MAP3K9: variants seen among roughly 807,000 people sequenced by gnomAD.
The protein encoded by MAP3K9 is mitogen-activated protein kinase kinase kinase 9, also known as mixed lineage kinase 1 (tyr and ser/thr specificity).
Under a neutral mutation model 95.8 loss-of-function variants are expected in MAP3K9, and 46 were observed. That is an observed-to-expected ratio of 0.48 (90% confidence interval 0.38 to 0.61). MAP3K9 has a LOEUF of 0.61. Ranked by LOEUF, MAP3K9 falls within the 20% of genes least tolerant of loss-of-function variation. The pLI is 0.00. For missense variants in MAP3K9, 1,296 were observed against 1,474.3 expected (o/e 0.88, Z 1.98); for synonymous variants, 533 against 593.8 (o/e 0.90, Z 1.49).
At position 70,728,354 on chromosome 14, in the gene MAP3K9, C is replaced by T. The variant is rs1296376688; in HGVS notation, c.*2026G>A. The stretch of plus-strand genomic sequence containing the variant: ...GGTCAGGCTGGTCTCGAACTCCCGA[C>T]CTCAGGTGATCCACCTGCCTCTGCC... On this transcript the variant is annotated 3_prime_UTR_variant, in exon 12 of 12. Transcript: ENST00000554752. 1.3e-5 allele frequency: 2 copies of T among 152,068 alleles called. No individual in the cohort carries two copies. The highest frequency in any genetic ancestry group is 3.9e-4 in the East Asian group (2 of 5,180). The allele number at this position is 152,068 out of a possible 1,614,324, so 9.4% of individuals were successfully genotyped here. A position where few individuals can be genotyped will look rare whatever the true frequency, so the allele number is the denominator to read the frequency against.
intron 2 of MAP3K9, among the ~76,000 whole-genome samples, chr14:70,792,987 G>A (rs17177152): frequency 0.01 from 1,538 of 152,346 alleles, 17 homozygotes; most frequent in African/African-American, 0.022. Context: ...AGAATTTGGA[G>A]AGGGAGATGC....
intron 8 of MAP3K9, 43 bp downstream of exon 8, chr14:70,738,202 C>A (rs775508859): frequency 3.8e-6 from 6 of 1,560,672 alleles, no homozygotes; most frequent in Non-Finnish European, 5.2e-6. Context: ...AATGGTACAT[C>A]CATCTTCAAG....
intron 5 of MAP3K9, among the ~76,000 whole-genome samples, chr14:70,744,179 C>T (rs1459318207): frequency 6.6e-6 from 1 of 151,962 alleles, no homozygotes; most frequent in Non-Finnish European, 1.5e-5. Flanking sequence ...GGGAGGGGAA[C>T]GTCACACACC....
At position 70,763,981 on chromosome 14, in the gene MAP3K9, C is replaced by T. The variant is rs529394945; in HGVS notation, c.821-2799G>A. On this transcript the variant is annotated intron_variant, in intron 2 of 11. Transcript: ENST00000554752. ...CGGGTGGATCATGAGGTCAGGAGAT[C>T]GAGACCATCCTGGCTAACAAGGTGA... Among the ~76,000 whole-genome samples the T allele has an allele frequency of 5.8e-3, 864 of 150,060 alleles. 11 individuals carry two copies. Among genetic ancestry groups the T allele is most frequent in the African/African-American group, 0.019 (793 of 40,776 alleles).
At position 70,722,935 on chromosome 14, in the gene MAP3K9, GA is replaced by G. The variant is rs2053773015; in HGVS notation, c.*7444del. The stretch of plus-strand genomic sequence containing the variant: ...TAGACTTAAAAGCCCTAAGGGGGAG[GA>G]AAAATCCCAAAGAAAGCTTTTCTGT... On this transcript the variant is annotated 3_prime_UTR_variant, in exon 12 of 12. Coordinates refer to ENST00000554752, the MANE Select transcript of MAP3K9 (RefSeq NM_001284230.2). The G allele has an allele frequency of 1.3e-5, 2 of 152,112 alleles. No individual in the cohort carries two copies. The highest frequency in any genetic ancestry group is 4.8e-5 in the African/African-American group (2 of 41,386). The allele number at this position is 152,112 out of a possible 1,614,324, so 9.4% of individuals were successfully genotyped here. A position where few individuals can be genotyped will look rare whatever the true frequency, so the allele number is the denominator to read the frequency against.
intron 7 of MAP3K9, among the ~76,000 whole-genome samples, chr14:70,739,521 C>CAG (rs1377422046): frequency 6.6e-6 from 1 of 151,774 alleles, no homozygotes; most frequent in African/African-American, 2.4e-5. Context: ...CACACACACA[C>CAG]ACACACTTAC....
chr14:70,809,277 G>A lies in MAP3K9; in HGVS notation c.-106C>T. 8.2e-7 allele frequency: 1 copy of A among 1,225,186 alleles called. No homozygotes were observed. Among genetic ancestry groups the A allele is most frequent in the Non-Finnish European group, 1.0e-6 (1 of 980,280 alleles). The allele number at this position is 1,225,186 out of a possible 1,614,324, so 75.9% of individuals were successfully genotyped here. A position where few individuals can be genotyped will look rare whatever the true frequency, so the allele number is the denominator to read the frequency against. ...GCTGGGAGGACCCCCCCCCAACGACGGCGGCCGCAGGTAGGGCCCGGGCTG... is the reference window on the plus strand; with the variant it reads ...GCTGGGAGGACCCCCCCCCAACGACAGCGGCCGCAGGTAGGGCCCGGGCTG... On this transcript the variant is annotated 5_prime_UTR_variant, in exon 1 of 12. Coordinates refer to ENST00000554752, the MANE Select transcript of MAP3K9 (RefSeq NM_001284230.2).
intron 5 of MAP3K9, among the ~76,000 whole-genome samples, chr14:70,747,340 G>T (rs1203436458): frequency 6.6e-6 from 1 of 152,130 alleles, no homozygotes; most frequent in Non-Finnish European, 1.5e-5. Context: ...TTTACAAGGG[G>T]CTTCTCCCTT....
rs757628980 is a variant in MAP3K9 at position 70,734,517 on chromosome 14, G to A, written c.1914-19C>T. On this transcript the variant is annotated intron_variant, in intron 9 of 11. Transcript: ENST00000554752. ...CTTGAGGCTGAATCAGAGGAAAAGA[G>A]GAAACTGTCAGAACTGGTTACCTTT... The A allele has an allele frequency of 6.9e-7, 1 of 1,439,838 alleles. No individual in the cohort carries two copies. Among genetic ancestry groups the A allele is most frequent in the South Asian group, 1.2e-5 (1 of 85,936 alleles). 89.2% of individuals were successfully genotyped at this position (1,439,838 alleles called of 1,614,324 possible).
At chr14:70,761,526 G>A (rs1245806038) in intron 2 of MAP3K9, among the ~76,000 whole-genome samples, 1 of 152,186 alleles carries the variant, frequency 6.6e-6, no homozygotes, top group African/African-American at 2.4e-5. Context: ...ATTTGGGGAG[G>A]CCGAGACGGG....
chr14:70,735,896 G>T, intron 9 of MAP3K9, 65 bp downstream of exon 9: 2 of 1,241,188 alleles, frequency 1.6e-6, no homozygotes, highest in South Asian at 1.2e-5. Context: ...TATGCTGTAA[G>T]AACAAGGAAA....
intron 2 of MAP3K9, among the ~76,000 whole-genome samples, chr14:70,794,469 C>T (rs1037647844): frequency 2.0e-5 from 3 of 152,162 alleles, no homozygotes; most frequent in Admixed American, 2.0e-4. Context: ...AATACCCCAG[C>T]TGTCCAACAG....
intron 2 of MAP3K9, among the ~76,000 whole-genome samples, chr14:70,782,425 A>T (rs2054691835): frequency 1.3e-5 from 2 of 152,262 alleles, no homozygotes; most frequent in South Asian, 2.1e-4. Context: ...CAGAGGAGAA[A>T]GGATTTGAGG....
chr14:70,798,440 T>TAA, intron 2 of MAP3K9, among the ~76,000 whole-genome samples: 1 of 39,144 alleles, frequency 2.6e-5, no homozygotes, highest in Non-Finnish European at 5.6e-5. Context: ...AATCTCTAGG[T>TAA]AGAAATTACT....
intron 10 of MAP3K9, chr14:70,733,613 T>C: frequency 1.5e-6 from 1 of 656,206 alleles, no homozygotes; most frequent in African/African-American, 1.8e-5. Context: ...TCATAAGGGA[T>C]CTGTGATAGT....
intron 5 of MAP3K9, among the ~76,000 whole-genome samples, chr14:70,745,000 G>T (rs1055978733): frequency 6.6e-6 from 1 of 152,196 alleles, no homozygotes; most frequent in Non-Finnish European, 1.5e-5. Flanking sequence ...TTCCTGGCAA[G>T]AGGGGAGGGG....
chr14:70,796,936 G>C (rs966025001), intron 2 of MAP3K9, among the ~76,000 whole-genome samples: 2 of 152,170 alleles, frequency 1.3e-5, no homozygotes, highest in Non-Finnish European at 2.9e-5. Flanking sequence ...ATTTGGTTTG[G>C]CTTTTCGGGC....
rs2053782747 is a variant in MAP3K9 at position 70,723,728 on chromosome 14, T to C, written c.*6652A>G. Reference sequence around the variant, plus strand: ...GGTAATACCCACATCCCAGAATTATTGTAAGGAGTCAAAAATTATATATAT... The same window carrying C: ...GGTAATACCCACATCCCAGAATTATCGTAAGGAGTCAAAAATTATATATAT... On this transcript the variant is annotated 3_prime_UTR_variant, in exon 12 of 12. Transcript: ENST00000554752. The C allele has an allele frequency of 6.6e-6, 1 of 152,054 alleles. No homozygotes were observed. Among genetic ancestry groups the C allele is most frequent in the Admixed American group, 6.5e-5 (1 of 15,274 alleles). 9.4% of individuals were successfully genotyped at this position (152,054 alleles called of 1,614,324 possible).
In MAP3K9 at chr14:70,738,344, T is replaced by A; in HGVS notation, c.1745A>T (p.Glu582Val). 6.2e-7 allele frequency: 1 copy of A among 1,614,014 alleles called. No individual in the cohort carries two copies. Among genetic ancestry groups the A allele is most frequent in the South Asian group, 1.1e-5 (1 of 91,052 alleles). ...CCTCTTCTCCTCCTCCTCCCCTTCC[T>A]CCTTTGGGACGACTGAGCTCCTGCC... The part of the protein sequence containing the change: ...TWGRSSVVPK[E>V]EGEEEEKRAP... Residue 582 changes from glutamate (E) to valine (V), a missense_variant, in exon 8 of 12, where the codon GAG becomes GTG. By Grantham distance (121) the Glu-to-Val change is moderately radical. Transcript: ENST00000554752.
Sources: allele counts gnomAD v4.1 joint callset (sites outside exome capture counted in the v4.1 genomes callset), GRCh38; gene constraint gnomAD v4.1.1; transcripts MANE v1.5; gene names NCBI Gene and HGNC (gene_info 2026-07-23, HGNC 2026-07-21).